B4GALT6: variants seen among roughly 807,000 people sequenced by gnomAD.
B4GALT6 encodes beta-1,4-galactosyltransferase 6.
Under a neutral mutation model 46.3 loss-of-function variants are expected in B4GALT6, and 14 were observed. That is an observed-to-expected ratio of 0.30 (90% CI 0.20 to 0.47). The LOEUF (loss-of-function observed/expected upper bound fraction) is 0.47. B4GALT6 is among the 20% of genes least tolerant of loss of function. B4GALT6 has a pLI of 0.99. For missense variants in B4GALT6, 386 were observed against 480.1 expected, an observed-to-expected ratio of 0.80 and a Z score of 1.83; for synonymous variants, 168 against 162.0, an observed-to-expected ratio of 1.04 and a Z score of -0.28.
At chr18:31,693,840 C>T in the B4GALT6 span, among the ~76,000 whole-genome samples, 2 of 151,902 alleles carry the variant, frequency 1.3e-5, no homozygotes, top group Admixed American at 1.3e-4. Flanking sequence ...TGGCAGTACA[C>T]GCCTGTAGTC....
At chr18:31,640,719 G>A (rs140347159) in intron 4 of B4GALT6, among the ~76,000 whole-genome samples, 272 of 152,256 alleles carry the variant, frequency 1.8e-3, no homozygotes, top group African/African-American at 6.4e-3. Flanking sequence ...CAGCAATACC[G>A]ACCCAACATC....
At chr18:31,702,389 A>G in the B4GALT6 span, among the ~76,000 whole-genome samples, 1 of 152,234 alleles carries the variant, frequency 6.6e-6, no homozygotes, top group Non-Finnish European at 1.5e-5. Flanking sequence ...AATTGCCACC[A>G]ATAAGGGACA....
At chr18:31,651,753 T>G (rs1048968963) in intron 3 of B4GALT6, among the ~76,000 whole-genome samples, 3 of 152,102 alleles carry the variant, frequency 2.0e-5, no homozygotes, top group African/African-American at 7.2e-5. Context: ...TCCCTCATCC[T>G]TCCCAGTTCT....
chr18:31,649,496 CA>C (rs2074034143), intron 3 of B4GALT6, among the ~76,000 whole-genome samples: 2 of 142,888 alleles, frequency 1.4e-5, no homozygotes, highest in African/African-American at 5.2e-5. Flanking sequence ...ACTGTGCATA[CA>C]ACAAAGTCCT....
chr18:31,634,699 T>C (rs538080930), intron 5 of B4GALT6, among the ~76,000 whole-genome samples: 1 of 152,228 alleles, frequency 6.6e-6, no homozygotes, highest in Non-Finnish European at 1.5e-5. Flanking sequence ...CCTGAGCTGC[T>C]CTTCAACTGC....
At chr18:31,673,256 G>A (rs2074377346) in intron 1 of B4GALT6, among the ~76,000 whole-genome samples, 1 of 152,076 alleles carries the variant, frequency 6.6e-6, no homozygotes, top group Non-Finnish European at 1.5e-5. Flanking sequence ...GAAGGGTCAA[G>A]CAGATGGAGA....
At chr18:31,640,902 T>C (rs1004265828) in intron 4 of B4GALT6, among the ~76,000 whole-genome samples, 2 of 152,248 alleles carry the variant, frequency 1.3e-5, no homozygotes, top group East Asian at 3.8e-4. Flanking sequence ...AAAAGTGCTA[T>C]GAAAAGTAAA....
chr18:31,708,477 A>G, the B4GALT6 span, among the ~76,000 whole-genome samples: 2 of 152,126 alleles, frequency 1.3e-5, no homozygotes, highest in East Asian at 1.9e-4. Context: ...AGGCAGGATA[A>G]TTGCTTGAAC....
At chr18:31,629,348 T>C (rs775607340) in intron 6 of B4GALT6, among the ~76,000 whole-genome samples, 6 of 151,230 alleles carry the variant, frequency 4.0e-5, no homozygotes, top group Non-Finnish European at 5.9e-5. Flanking sequence ...TTATTAGAAA[T>C]TGATATTTTC....
At chr18:31,651,340 T>C (rs918944174) in intron 3 of B4GALT6, among the ~76,000 whole-genome samples, 5 of 152,134 alleles carry the variant, frequency 3.3e-5, no homozygotes, top group Admixed American at 2.0e-4. Context: ...GCCTCAAGCA[T>C]AGTAAGGTTT....
At chr18:31,631,434 A>G (rs1467090581) in intron 5 of B4GALT6, among the ~76,000 whole-genome samples, 1 of 152,102 alleles carries the variant, frequency 6.6e-6, no homozygotes, top group Admixed American at 6.5e-5. Flanking sequence ...AATGAAATAG[A>G]CAAATAATAA....
chr18:31,720,613 G>A, the B4GALT6 span, among the ~76,000 whole-genome samples: 16 of 152,310 alleles, frequency 1.1e-4, no homozygotes, highest in African/African-American at 3.4e-4. Flanking sequence ...CCCCTTGAAC[G>A]GGGGAAAGAA....
intron 4 of B4GALT6, among the ~76,000 whole-genome samples, chr18:31,640,667 C>T (rs878921639): frequency 1.3e-5 from 2 of 152,168 alleles, no homozygotes; most frequent in Admixed American, 1.3e-4. Context: ...TTCCCCATAA[C>T]GTCTCTCTTG....
intron 6 of B4GALT6, among the ~76,000 whole-genome samples, chr18:31,629,474 T>TTTTTTTTTTTTTTTTA (rs2073749797): frequency 7.4e-6 from 1 of 134,664 alleles, no homozygotes; most frequent in African/African-American, 2.8e-5. Context: ...TTTTTTTTTT[T>TTTTTTTTTTTTTTTTA]TTTTTTTTTG....
chr18:31,644,964 A>G (rs1203411191), intron 4 of B4GALT6, among the ~76,000 whole-genome samples: 1 of 152,226 alleles, frequency 6.6e-6, no homozygotes, highest in Non-Finnish European at 1.5e-5. Flanking sequence ...AGTTCTCACA[A>G]TTCAGAAACT....
At chr18:31,703,885 G>T in the B4GALT6 span, among the ~76,000 whole-genome samples, 1 of 152,136 alleles carries the variant, frequency 6.6e-6, no homozygotes, top group Admixed American at 6.5e-5. Flanking sequence ...GTATCAGCAG[G>T]GGTGAGAGGT....
At chr18:31,675,329 G>A (rs943724439) in intron 1 of B4GALT6, among the ~76,000 whole-genome samples, 4 of 152,180 alleles carry the variant, frequency 2.6e-5, no homozygotes, top group South Asian at 2.1e-4. Context: ...AGTGTCTGCC[G>A]TTTACCAAGC....
At chr18:31,641,490 TTG>T (rs2073930272) in intron 4 of B4GALT6, among the ~76,000 whole-genome samples, 1 of 152,248 alleles carries the variant, frequency 6.6e-6, no homozygotes, top group South Asian at 2.1e-4. Flanking sequence ...ACATCAGTTC[TTG>T]TGTTTGTGGA....
At chr18:31,630,161 GC>G (rs2073768337) in intron 6 of B4GALT6, among the ~76,000 whole-genome samples, 1 of 151,756 alleles carries the variant, frequency 6.6e-6, no homozygotes, top group Non-Finnish European at 1.5e-5. Flanking sequence ...AAAGAAACAA[GC>G]ATTCTTTTCC....
Sources: allele counts gnomAD v4.1 joint callset (sites outside exome capture counted in the v4.1 genomes callset), GRCh38; gene constraint gnomAD v4.1.1; transcripts MANE v1.5; gene names NCBI Gene and HGNC (gene_info 2026-07-23, HGNC 2026-07-21).